GIN1: variants seen among roughly 807,000 people sequenced by gnomAD.
The protein encoded by GIN1 is gypsy retrotransposon integrase-like protein 1.
Under a neutral mutation model 51.4 loss-of-function variants are expected in GIN1, and 41 were observed. The observed-to-expected ratio is 0.80, with a 90% CI of 0.62 to 1.04. The LOEUF is 1.04. Ranked by LOEUF, GIN1 falls within the 50% of genes least tolerant of loss-of-function variation. GIN1 has a pLI of 0.00. For synonymous variants in GIN1, 222 were observed against 206.5 expected (o/e 1.07, Z -0.64); for missense variants, 610 against 612.4 (o/e 1.00, Z 0.04).
intron 1 of GIN1, among the ~76,000 whole-genome samples, chr5:103,117,264 C>T (rs187171109): frequency 6.6e-6 from 1 of 151,860 alleles, no homozygotes; most frequent in East Asian, 1.9e-4. Context: ...AATCATTATG[C>T]TAAGTGAAAT....
intron 1 of GIN1, among the ~76,000 whole-genome samples, chr5:103,117,793 T>A (rs112569606): frequency 3.3e-5 from 5 of 152,102 alleles, no homozygotes; most frequent in Non-Finnish European, 7.4e-5. Context: ...ATTTTACAGG[T>A]AGGAAAATGG....
At chr5:103,108,519 G>A in intron 2 of GIN1, 50 bp downstream of exon 2, 1 of 1,280,308 alleles carries the variant, frequency 7.8e-7, no homozygotes, top group South Asian at 1.3e-5. Flanking sequence ...AAGGAAGAAT[G>A]TGGGGAAGAA....
Position 103,097,330 on chromosome 5 carries a change from G to C in GIN1, c.992C>G (p.Thr331Arg). ...KEADKIMENK[T>R]TSLGQMENNN... ...TAGAATCACCTGGCCCAGTGAAGTT[G>C]TCTTATTCTCCATTATTTTATCAGC... Residue 331 changes from threonine to arginine, a missense_variant, in exon 6 of 8, where the codon ACA becomes AGA. By Grantham distance (71) the Thr-to-Arg change is moderately conservative. Coordinates refer to ENST00000399004, the MANE Select transcript of GIN1 (RefSeq NM_017676.2). The C allele has an allele frequency of 6.3e-7, 1 of 1,592,570 alleles. No individual in the cohort carries two copies. Among genetic ancestry groups the C allele is most frequent in the Non-Finnish European group, 8.6e-7 (1 of 1,162,166 alleles).
At chr5:103,091,007 A>T (rs1433244625) in intron 7 of GIN1, among the ~76,000 whole-genome samples, 2 of 152,178 alleles carry the variant, frequency 1.3e-5, no homozygotes, top group African/African-American at 4.8e-5. Flanking sequence ...CACACAGCAA[A>T]TTCTACATAA....
chr5:103,093,214 G>C (rs1787303885), intron 7 of GIN1, among the ~76,000 whole-genome samples: 1 of 152,118 alleles, frequency 6.6e-6, no homozygotes, highest in African/African-American at 2.4e-5. Flanking sequence ...GGTAGTGATG[G>C]AATTAAGGTT....
chr5:103,109,613 G>C (rs190320485), intron 1 of GIN1, among the ~76,000 whole-genome samples: 116 of 152,146 alleles, frequency 7.6e-4, no homozygotes, highest in African/African-American at 2.7e-3. Flanking sequence ...TAAAAGAAAA[G>C]GTTCTGAAAT....
intron 4 of GIN1, among the ~76,000 whole-genome samples, chr5:103,098,365 T>C (rs1787468173): frequency 6.6e-6 from 1 of 152,220 alleles, no homozygotes; most frequent in African/African-American, 2.4e-5. Context: ...TTAATTTCAT[T>C]TTAAAGGTAA....
Position 103,104,576 on chromosome 5 carries a change from T to C in GIN1, c.604A>G (p.Ile202Val), listed in dbSNP as rs782160251. Residue 202 changes from isoleucine (I) to valine (V), a missense_variant, in exon 4 of 8, where the codon ATA becomes GTA. By Grantham distance (29) the Ile-to-Val change is conservative (BLOSUM62 3). Transcript: ENST00000399004. ...AATTCATCTCTTTGGTCCATTATTA[T>C]TTTCTGAGGAGGTCCATATAAGAAA... ...IFFLYGPPQKIIMDQRDEFIQ... is the reference protein window; with the variant it reads ...IFFLYGPPQKVIMDQRDEFIQ... 3.9e-6 allele frequency: 6 copies of C among 1,550,094 alleles called. No individual in the cohort carries two copies. Among genetic ancestry groups the C allele is most frequent in the Non-Finnish European group, 4.4e-6 (5 of 1,123,754 alleles).
intron 1 of GIN1, among the ~76,000 whole-genome samples, chr5:103,114,610 G>A (rs1439314892): frequency 2.6e-5 from 4 of 152,164 alleles, no homozygotes; most frequent in South Asian, 2.1e-4. Context: ...ATCTTTCAAC[G>A]TTCACATTAA....
chr5:103,098,707 C>T (rs1323936836), intron 4 of GIN1, among the ~76,000 whole-genome samples: 42 of 152,104 alleles, frequency 2.8e-4, no homozygotes, highest in Non-Finnish European at 7.3e-5. Context: ...AATCCATGCA[C>T]CTCAGTCTTT....
chr5:103,109,921 C>G (rs1554196756), intron 1 of GIN1, among the ~76,000 whole-genome samples: 1 of 151,980 alleles, frequency 6.6e-6, no homozygotes, highest in African/African-American at 2.4e-5. Flanking sequence ...ACAAGGAGTA[C>G]AGAATTACAT....
rs782426801 is a variant in GIN1 at position 103,097,319 on chromosome 5, C to T, written c.1003G>A (p.Gly335Ser). ...KIMENKTTSL[G>S]QMENNNLDEL... ...TTTCTATTGAATAGAATCACCTGGC[C>T]CAGTGAAGTTGTCTTATTCTCCATT... Residue 335 changes from glycine (G) to serine (S), a missense_variant, in exon 6 of 8, where the codon GGC becomes AGC. Transcript: ENST00000399004. 3 of 1,571,738 alleles carry T rather than the reference C, an allele frequency of 1.9e-6. No homozygotes were observed. The highest frequency in any genetic ancestry group is 2.6e-6 in the Non-Finnish European group (3 of 1,145,338).
At chr5:103,119,901 C>T (rs1788351842) in intron 1 of GIN1, among the ~76,000 whole-genome samples, 163 bp downstream of exon 1, 1 of 152,192 alleles carries the variant, frequency 6.6e-6, no homozygotes, top group African/African-American at 2.4e-5. Flanking sequence ...TCGCAACGCC[C>T]AAGGCCCTCC....
chr5:103,112,218 A>G (rs1006151921), intron 1 of GIN1, among the ~76,000 whole-genome samples: 4 of 152,190 alleles, frequency 2.6e-5, no homozygotes, highest in African/African-American at 9.7e-5. Context: ...TTGGGAGAAG[A>G]CATAAAAACC....
intron 7 of GIN1, among the ~76,000 whole-genome samples, chr5:103,092,031 A>T (rs1246084505): frequency 6.6e-6 from 1 of 151,888 alleles, no homozygotes; most frequent in African/African-American, 2.4e-5. Context: ...ATCTCAAAAA[A>T]AAAAAAAGAT....
chr5:103,108,512 G>A, intron 2 of GIN1, 57 bp downstream of exon 2: 8 of 1,207,874 alleles, frequency 6.6e-6, no homozygotes, highest in Non-Finnish European at 9.6e-6. Context: ...CTTCCACAAG[G>A]AAGAATGTGG....
chr5:103,089,016 T>G (rs1787160353), intron 7 of GIN1, among the ~76,000 whole-genome samples: 1 of 152,168 alleles, frequency 6.6e-6, no homozygotes, highest in African/African-American at 2.4e-5. Context: ...ACATGCCAAC[T>G]GAGGCTTATG....
chr5:103,118,915 T>C (rs1198238969), intron 1 of GIN1, among the ~76,000 whole-genome samples: 1 of 152,154 alleles, frequency 6.6e-6, no homozygotes, highest in Non-Finnish European at 1.5e-5. Flanking sequence ...TGGGACTTCT[T>C]TGGATATGCT....
At chr5:103,094,325 G>T (rs1554194804) in intron 7 of GIN1, among the ~76,000 whole-genome samples, 1 of 152,084 alleles carries the variant, frequency 6.6e-6, no homozygotes, top group Non-Finnish European at 1.5e-5. Flanking sequence ...TTCTAGGATG[G>T]CCAGATCAGT....
Sources: gnomAD v4.1 joint callset for allele counts (sites outside exome capture counted in the v4.1 genomes callset) on GRCh38, gnomAD v4.1.1 for gene constraint, MANE v1.5 for transcripts, NCBI Gene and HGNC (gene_info 2026-07-23, HGNC 2026-07-21) for gene names.